Variants in CYB5R4 observed in about 807,000 individuals in gnomAD.
The protein encoded by CYB5R4 is N-terminal cytochrome b5 and cytochrome b5 oxidoreductase domain-containing protein.
CYB5R4 carries 55 observed loss-of-function variants against 70.2 expected under a neutral mutation model. The observed-to-expected ratio is 0.78, with a 90% confidence interval of 0.63 to 0.98. CYB5R4 has a LOEUF of 0.98. CYB5R4 is among the 50% of genes least tolerant of loss of function. The pLI, the probability that CYB5R4 is intolerant of heterozygous loss-of-function variation, is 0.00. For synonymous variants in CYB5R4, 197 were observed against 199.5 expected, an observed-to-expected ratio of 0.99 and a Z score of 0.11; for missense variants, 562 against 612.6, an observed-to-expected ratio of 0.92 and a Z score of 0.87.
rs530584683 is a variant in CYB5R4 at position 83,877,787 on chromosome 6, TCTGA to T, written c.229+13463_229+13466del. Among the ~76,000 whole-genome samples, 624 of 152,342 alleles carry T rather than the reference TCTGA, an allele frequency of 4.1e-3. 3 individuals carry two copies. The highest frequency in any genetic ancestry group is 0.014 in the African/African-American group (595 of 41,574). On this transcript the variant is annotated intron_variant, in intron 2 of 15. Coordinates refer to ENST00000369681, the MANE Select transcript of CYB5R4 (RefSeq NM_016230.4). Reference sequence around the variant, plus strand: ...AGCAGCGAGTAAGATTTCTTTTTTCTCTGACTGCCTTTAAGACTTTCTTTTAGGT... The same window carrying T: ...AGCAGCGAGTAAGATTTCTTTTTTCTCTGCCTTTAAGACTTTCTTTTAGGT...
intron 14 of CYB5R4, among the ~76,000 whole-genome samples, chr6:83,941,326 TAGG>T (rs2099469727): frequency 6.6e-6 from 1 of 152,204 alleles, no homozygotes; most frequent in Non-Finnish European, 1.5e-5. Flanking sequence ...TTGAAAGCAG[TAGG>T]AAGTTCAGAA....
intron 3 of CYB5R4, among the ~76,000 whole-genome samples, chr6:83,896,958 G>T (rs1433747011): frequency 6.6e-6 from 1 of 151,230 alleles, no homozygotes; most frequent in African/African-American, 2.4e-5. Flanking sequence ...TGTGCACAAT[G>T]TGCAGGTTTG....
intron 4 of CYB5R4, among the ~76,000 whole-genome samples, chr6:83,909,848 G>A (rs1207233315): frequency 1.3e-5 from 2 of 152,166 alleles, no homozygotes; most frequent in East Asian, 1.9e-4. Flanking sequence ...AATGCTACTG[G>A]CATTCTAATT....
intron 10 of CYB5R4, 90 bp from the exon 11 acceptor site, chr6:83,934,505 A>G: frequency 1.2e-6 from 1 of 865,630 alleles, no homozygotes; most frequent in Non-Finnish European, 1.7e-6. Flanking sequence ...TTTCTAGAAA[A>G]CAGAAGCTGA....
At position 83,963,495 on chromosome 6, in the gene CYB5R4, A is replaced by T. The variant is rs1436783304; in HGVS notation, c.*3617A>T. On this transcript the variant is annotated 3_prime_UTR_variant, in exon 16 of 16. Coordinates refer to ENST00000369681, the MANE Select transcript of CYB5R4 (RefSeq NM_016230.4). ...ATCTACAGTATTTAACATTGTGGCA[A>T]ATAAATTATAAAGGAAAAATGGAAT... The T allele has an allele frequency of 3.9e-5, 6 of 152,194 alleles. No individual in the cohort carries two copies. Among genetic ancestry groups the T allele is most frequent in the Admixed American group, 1.3e-4 (2 of 15,278 alleles). The allele number at this position is 152,194 out of a possible 1,614,324, so 9.4% of individuals were successfully genotyped here.
Position 83,864,315 on chromosome 6 carries a change from G to C in CYB5R4, c.216G>C (p.Trp72Cys). ...AACACAACAAAAAAGATGATTGTTGGATATGCATAAGAGGTAGGTGGTATT... is the reference window on the plus strand; with the variant it reads ...AACACAACAAAAAAGATGATTGTTGCATATGCATAAGAGGTAGGTGGTATT... ...LKKHNKKDDC[W>C]ICIRGFVYNV... Residue 72 changes from tryptophan (W) to cysteine (C), a missense_variant, in exon 2 of 16, where the codon TGG becomes TGC. By Grantham distance (215) the Trp-to-Cys change is radical. Transcript: ENST00000369681. 6.2e-7 allele frequency: 1 copy of C among 1,611,656 alleles called. No individual in the cohort carries two copies.
intron 14 of CYB5R4, among the ~76,000 whole-genome samples, chr6:83,945,926 A>G (rs535573088): frequency 6.6e-6 from 1 of 152,310 alleles, no homozygotes; most frequent in East Asian, 1.9e-4. Context: ...CTGAGGTAGT[A>G]ATTAATAGCC....
At chr6:83,913,853 C>T (rs2099465075) in intron 4 of CYB5R4, among the ~76,000 whole-genome samples, 2 of 151,920 alleles carry the variant, frequency 1.3e-5, no homozygotes, top group South Asian at 4.2e-4. Context: ...GTGAGTTGGC[C>T]GCCATCCTGA....
intron 5 of CYB5R4, among the ~76,000 whole-genome samples, chr6:83,917,539 CA>C (rs1301615011): frequency 6.6e-6 from 1 of 152,050 alleles, no homozygotes; most frequent in African/African-American, 2.4e-5. Flanking sequence ...TGCTCAGTTA[CA>C]AAAAGGACCA....
intron 14 of CYB5R4, among the ~76,000 whole-genome samples, chr6:83,941,729 A>G (rs567935191): frequency 6.6e-6 from 1 of 152,340 alleles, no homozygotes; most frequent in South Asian, 2.1e-4. Flanking sequence ...TATTCTTTAC[A>G]TACTAAAAAC....
At chr6:83,876,641 CTGT>C (rs1011337986) in intron 2 of CYB5R4, among the ~76,000 whole-genome samples, 62 of 152,070 alleles carry the variant, frequency 4.1e-4, no homozygotes, top group Admixed American at 7.2e-4. Flanking sequence ...GTGCCTTATG[CTGT>C]TGTTGTTATT....
At chr6:83,868,847 G>A (rs2099457135) in intron 2 of CYB5R4, among the ~76,000 whole-genome samples, 1 of 152,194 alleles carries the variant, frequency 6.6e-6, no homozygotes, top group South Asian at 2.1e-4. Flanking sequence ...GCATTAAGTA[G>A]TGAAATCATC....
chr6:83,936,205 C>A lies in CYB5R4; in HGVS notation c.956-19C>A. ...GGATTTTTAGAATTTAATTATTTTG[C>A]TGTGATTTTTTTTTCTAGGTACAGA... On this transcript the variant is annotated intron_variant, in intron 11 of 15. Coordinates refer to ENST00000369681, the MANE Select transcript of CYB5R4 (RefSeq NM_016230.4). The A allele has an allele frequency of 6.6e-7, 1 of 1,513,060 alleles. No individual in the cohort carries two copies. Among genetic ancestry groups the A allele is most frequent in the Non-Finnish European group, 8.8e-7 (1 of 1,130,856 alleles). 93.7% of individuals were successfully genotyped at this position (1,513,060 alleles called of 1,614,324 possible).
rs940810765 is a variant in CYB5R4, at chr6:83,964,956, G to C, written c.*5078G>C. ...GCAACTTCCATGTGATGTTGAGCAT[G>C]TGGGTGCACAGAAGTCAAGAAATGG... On this transcript the variant is annotated 3_prime_UTR_variant, in exon 16 of 16. Coordinates refer to ENST00000369681, the MANE Select transcript of CYB5R4 (RefSeq NM_016230.4). 1.3e-5 allele frequency: 2 copies of C among 152,250 alleles called. No homozygotes were observed. The highest frequency in any genetic ancestry group is 1.5e-5 in the Non-Finnish European group (1 of 68,058). 9.4% of individuals were successfully genotyped at this position (152,250 alleles called of 1,614,324 possible).
rs78360373 is a variant in CYB5R4 at position 83,878,080 on chromosome 6, T to G, written c.229+13752T>G. On this transcript the variant is annotated intron_variant, in intron 2 of 15. Coordinates refer to ENST00000369681, the MANE Select transcript of CYB5R4 (RefSeq NM_016230.4). ...TAAGTTTGCAGAGTCTTTCCTCTAT[T>G]TCCAGTCTGCCAATAAGCCCATTAA... Among the ~76,000 whole-genome samples the G allele has an allele frequency of 2.0e-3, 309 of 152,342 alleles. 3 individuals are homozygous for G. Among genetic ancestry groups the G allele is most frequent in the Non-Finnish European group, 2.6e-3 (178 of 68,036 alleles).
rs372240764 is a variant in CYB5R4 at position 83,917,964 on chromosome 6, A to C, written c.446-41A>C. On this transcript the variant is annotated intron_variant, in intron 5 of 15. Transcript: ENST00000369681. ...TTAACTTAAAAGACAAAAAGTTAAAAATACTTTGTAGATGAACTATAGCTA... is the reference window on the plus strand; with the variant it reads ...TTAACTTAAAAGACAAAAAGTTAAACATACTTTGTAGATGAACTATAGCTA... 13 of 1,521,370 alleles carry C rather than the reference A, an allele frequency of 8.5e-6. No individual in the cohort carries two copies. In the African/African-American group the frequency reaches 1.5e-4, roughly 18 times the overall value. The allele number at this position is 1,521,370 out of a possible 1,614,324, so 94.2% of individuals were successfully genotyped here. A position where few individuals can be genotyped will look rare whatever the true frequency, so the allele number is the denominator to read the frequency against.
intron 6 of CYB5R4, among the ~76,000 whole-genome samples, 177 bp from the exon 7 acceptor site, chr6:83,919,220 G>C (rs1431587361): frequency 6.6e-6 from 1 of 152,084 alleles, no homozygotes; most frequent in Non-Finnish European, 1.5e-5. Context: ...TTTAGAAATA[G>C]TTGTCAGCTG....
chr6:83,932,449 T>C (rs1187856685), intron 10 of CYB5R4, among the ~76,000 whole-genome samples: 1 of 152,212 alleles, frequency 6.6e-6, no homozygotes. Context: ...AGCATTTTCA[T>C]ACAGCTGTAA....
chr6:83,894,722 A>G (rs2099461601), intron 3 of CYB5R4, among the ~76,000 whole-genome samples: 1 of 152,218 alleles, frequency 6.6e-6, no homozygotes, highest in Non-Finnish European at 1.5e-5. Flanking sequence ...TATTCTTACA[A>G]TAAAGTAAGC....
Sources: gnomAD v4.1 joint callset for allele counts (sites outside exome capture counted in the v4.1 genomes callset) on GRCh38, gnomAD v4.1.1 for gene constraint, MANE v1.5 for transcripts, NCBI Gene and HGNC (gene_info 2026-07-23, HGNC 2026-07-21) for gene names.